The following SIRT5 variants were observed in gnomAD, a reference collection of about 807,000 sequenced individuals.
SIRT5 encodes NAD-dependent protein deacylase sirtuin-5, mitochondrial.
In SIRT5, 26 loss-of-function variants were observed where a neutral mutation model predicts 40.0. That is an observed-to-expected ratio of 0.65 (90% CI 0.48 to 0.90). SIRT5 has a LOEUF of 0.90. Among genes scored for constraint, SIRT5 ranks in the 40% least tolerant of loss-of-function variants. The pLI, the probability that SIRT5 is intolerant of heterozygous loss-of-function variation, is 0.00. For synonymous variants in SIRT5, 146 were observed against 149.1 expected, an observed-to-expected ratio of 0.98 and a Z score of 0.15; for missense variants, 401 against 402.4, an observed-to-expected ratio of 1.00 and a Z score of 0.03.
chr6:13,614,114 T>C lies in SIRT5; in HGVS notation c.*2249T>C, dbSNP rs1342196893. On this transcript the variant is annotated 3_prime_UTR_variant, in exon 10 of 10. Transcript: ENST00000606117. Reference sequence around the variant, plus strand: ...ACAATATATGTGTAAGATAGAATTATTCAACTTAGCATTTATTAAACATCT... The same window carrying C: ...ACAATATATGTGTAAGATAGAATTACTCAACTTAGCATTTATTAAACATCT... 9 of 152,364 alleles carry C rather than the reference T, an allele frequency of 5.9e-5. 1 individual carries two copies. The East Asian group carries it at 1.3e-3, about 23-fold the overall frequency. 9.4% of individuals were successfully genotyped at this position (152,364 alleles called of 1,614,324 possible).
chr6:13,600,684 C>T lies in SIRT5; in HGVS notation c.742-150C>T, dbSNP rs959009166. The T allele has an allele frequency of 1.2e-5, 7 of 573,544 alleles. No individual in the cohort carries two copies. The South Asian group carries it at 1.6e-4, about 13-fold the overall frequency. 35.5% of individuals were successfully genotyped at this position (573,544 alleles called of 1,614,324 possible). ...AGGACACCTCTTCACTTTCCCTTGT[C>T]CCTTGGACACCCTGTTTTATCCCAT... On this transcript the variant is annotated intron_variant, in intron 8 of 9. Transcript: ENST00000606117.
At chr6:13,610,220 C>A (rs1350215348) in intron 9 of SIRT5, among the ~76,000 whole-genome samples, 1 of 152,208 alleles carries the variant, frequency 6.6e-6, no homozygotes, top group Non-Finnish European at 1.5e-5. Flanking sequence ...ATCCTCCTGC[C>A]TCAGCCTCCC....
intron 7 of SIRT5, 111 bp downstream of exon 7, chr6:13,597,127 C>A: frequency 1.2e-6 from 1 of 807,992 alleles, no homozygotes; most frequent in Non-Finnish European, 2.0e-6. Context: ...AAATCAAATG[C>A]ACAAATGTAA....
intron 5 of SIRT5, among the ~76,000 whole-genome samples, chr6:13,594,891 T>C (rs1761374611): frequency 6.6e-6 from 1 of 152,262 alleles, no homozygotes; most frequent in Non-Finnish European, 1.5e-5. Flanking sequence ...TGATTACTTA[T>C]TTATTGAGGT....
intron 2 of SIRT5, among the ~76,000 whole-genome samples, chr6:13,582,908 C>T (rs911232104): frequency 6.6e-6 from 1 of 152,182 alleles, no homozygotes; most frequent in African/African-American, 2.4e-5. Flanking sequence ...ATTACATTCT[C>T]ACAGAAACTA....
At position 13,607,925 on chromosome 6, in the gene SIRT5, T is replaced by C; in HGVS notation, c.858-3865T>C. Among the ~76,000 whole-genome samples, 1 of 152,114 alleles carries C rather than the reference T, an allele frequency of 6.6e-6. No individual in the cohort carries two copies. The highest frequency in any genetic ancestry group is 1.5e-5 in the Non-Finnish European group (1 of 68,020). On this transcript the variant is annotated intron_variant, in intron 9 of 9. Coordinates refer to ENST00000606117, the MANE Select transcript of SIRT5 (RefSeq NM_012241.5). The surrounding 1 kb of genome is among the most constrained non-coding windows in gnomAD (Gnocchi z 4.0). ...TGCGCCACCACACCCAGCTAATTTT[T>C]TGTATTTTTTTTTTAGTAGAGACGG...
chr6:13,601,410 C>G (rs1489785029), intron 9 of SIRT5, among the ~76,000 whole-genome samples: 1 of 152,192 alleles, frequency 6.6e-6, no homozygotes, highest in African/African-American at 2.4e-5. Context: ...GACACTGATC[C>G]TGCTTCCCAA....
intron 9 of SIRT5, among the ~76,000 whole-genome samples, chr6:13,609,382 G>A (rs935809570): frequency 2.6e-5 from 4 of 152,212 alleles, no homozygotes; most frequent in African/African-American, 9.6e-5. Flanking sequence ...TGGGGGGAGG[G>A]TGAAGTTTAA....
At chr6:13,609,970 TA>T (rs1763618205) in intron 9 of SIRT5, among the ~76,000 whole-genome samples, 1 of 152,040 alleles carries the variant, frequency 6.6e-6, no homozygotes, top group Admixed American at 6.5e-5. Flanking sequence ...ATGAGGGAAT[TA>T]TTTTTTTTTA....
chr6:13,598,758 A>G (rs1276366626), intron 7 of SIRT5, among the ~76,000 whole-genome samples: 2 of 149,412 alleles, frequency 1.3e-5, no homozygotes, highest in Non-Finnish European at 3.0e-5. Context: ...CCTGGGAGGC[A>G]GAGGTTGCAG....
Position 13,612,165 on chromosome 6 carries a change from T to TA in SIRT5, c.*308dup, listed in dbSNP as rs1214441973. 10 of 227,000 alleles carry TA rather than the reference T, an allele frequency of 4.4e-5. No individual in the cohort carries two copies. Among genetic ancestry groups the TA allele is most frequent in the East Asian group, 2.6e-4 (3 of 11,350 alleles). The allele number at this position is 227,000 out of a possible 1,614,324, so 14.1% of individuals were successfully genotyped here. A position where few individuals can be genotyped will look rare whatever the true frequency, so the allele number is the denominator to read the frequency against. On this transcript the variant is annotated 3_prime_UTR_variant, in exon 10 of 10. Transcript: ENST00000606117. ...GAAAAATTTTGTAAATTAGATTGTC[T>TA]AAAAAAAATAGTTATTCTGATTATA...
chr6:13,582,283 T>C (rs1163389804), intron 2 of SIRT5, among the ~76,000 whole-genome samples: 1 of 152,224 alleles, frequency 6.6e-6, no homozygotes, highest in Non-Finnish European at 1.5e-5. Context: ...TTTTTTGTTT[T>C]TATAGCAAAT....
chr6:13,612,015 G>A lies in SIRT5; in HGVS notation c.*150G>A. On this transcript the variant is annotated 3_prime_UTR_variant, in exon 10 of 10. Coordinates refer to ENST00000606117, the MANE Select transcript of SIRT5 (RefSeq NM_012241.5). ...GGAATCCAACCTGTTGATAAGTGATGGGGGTTTAGAAGTAGCAAAGAGCAC... is the reference window on the plus strand; with the variant it reads ...GGAATCCAACCTGTTGATAAGTGATAGGGGTTTAGAAGTAGCAAAGAGCAC... 1 of 632,532 alleles carries A rather than the reference G, an allele frequency of 1.6e-6. No individual in the cohort carries two copies. Among genetic ancestry groups the A allele is most frequent in the Non-Finnish European group, 2.7e-6 (1 of 372,574 alleles). The allele number at this position is 632,532 out of a possible 1,614,324, so 39.2% of individuals were successfully genotyped here. A position where few individuals can be genotyped will look rare whatever the true frequency, so the allele number is the denominator to read the frequency against.
chr6:13,604,678 T>C, intron 9 of SIRT5: 1 of 1,397,652 alleles, frequency 7.2e-7, no homozygotes, highest in Non-Finnish European at 9.2e-7. Flanking sequence ...GGTGGCTGTG[T>C]CTTCATGTGA....
At chr6:13,597,094 A>C in intron 7 of SIRT5, 78 bp downstream of exon 7, 3 of 1,159,750 alleles carry the variant, frequency 2.6e-6, no homozygotes, top group Non-Finnish European at 3.7e-6. Flanking sequence ...AAACCTAAAC[A>C]TGTATTTGGC....
At chr6:13,592,338 G>A (rs1464619233) in intron 5 of SIRT5, among the ~76,000 whole-genome samples, 1 of 152,230 alleles carries the variant, frequency 6.6e-6, no homozygotes. Flanking sequence ...GCACGGTACT[G>A]TGAGACAATG....
intron 3 of SIRT5, among the ~76,000 whole-genome samples, chr6:13,585,306 A>C (rs1184334348): frequency 6.6e-6 from 1 of 152,146 alleles, no homozygotes; most frequent in East Asian, 1.9e-4. Context: ...GGTTTGTTAC[A>C]TAGGTATACA....
In SIRT5 at chr6:13,595,518, G is replaced by T; in HGVS notation, c.517G>T (p.Ala173Ser). 4 of 1,614,132 alleles carry T rather than the reference G, an allele frequency of 2.5e-6. No homozygotes were observed. The highest frequency in any genetic ancestry group is 3.4e-6 in the Non-Finnish European group (4 of 1,180,002). Residue 173 changes from alanine (A) to serine (S), a missense_variant, in exon 6 of 10, where the codon GCT becomes TCT. By Grantham distance (99) the Ala-to-Ser change is moderately conservative. Coordinates refer to ENST00000606117, the MANE Select transcript of SIRT5 (RefSeq NM_012241.5). ...TCGATGTACCTCTTGTGGAGTTGTG[G>T]CTGAGAATTACAAGAGTCCAATTTG... ...KTRCTSCGVV[A>S]ENYKSPICPA...
intron 9 of SIRT5, among the ~76,000 whole-genome samples, chr6:13,603,408 C>T (rs1762674345): frequency 1.3e-5 from 2 of 151,386 alleles, no homozygotes; most frequent in South Asian, 4.2e-4. Context: ...AATAAAAAGA[C>T]AATCCAATTA....
Sources: allele counts gnomAD v4.1 joint callset (sites outside exome capture counted in the v4.1 genomes callset), GRCh38; gene constraint gnomAD v4.1.1; non-coding constraint Gnocchi (gnomAD v3.1); transcripts MANE v1.5; gene names NCBI Gene and HGNC (gene_info 2026-07-23, HGNC 2026-07-21).